LSAMP: variants seen among roughly 807,000 people sequenced by gnomAD.
LSAMP encodes the protein limbic system associated membrane protein, also known as limbic system-associated membrane protein.
LSAMP carries 7 observed loss-of-function variants against 38.6 expected under a neutral mutation model. The ratio of observed to expected loss-of-function variants is 0.18; its 90% CI spans 0.10 to 0.34. The LOEUF (loss-of-function observed/expected upper bound fraction) is 0.34, where lower values mean the gene tolerates loss of function less well. Among genes scored for constraint, LSAMP ranks in the 10% least tolerant of loss-of-function variants. The pLI is 1.00. For synonymous variants in LSAMP, 154 were observed against 166.8 expected (o/e 0.92, Z 0.59); for missense variants, 313 against 420.0 (o/e 0.75, Z 2.23).
intron 1 of LSAMP, among the ~76,000 whole-genome samples, chr3:116,255,316 G>A (rs1384162884): frequency 6.6e-6 from 1 of 152,194 alleles, no homozygotes; most frequent in Non-Finnish European, 1.5e-5. Context: ...GTTGGCCAGA[G>A]AGCTGCAAAA....
At chr3:116,293,345 A>G (rs894114928) in intron 1 of LSAMP, among the ~76,000 whole-genome samples, 1 of 152,188 alleles carries the variant, frequency 6.6e-6, no homozygotes, top group Non-Finnish European at 1.5e-5. Flanking sequence ...AAACTTTGCA[A>G]ATTATGAAGG....
At chr3:115,983,614 A>G (rs1939426513) in intron 3 of LSAMP, among the ~76,000 whole-genome samples, 1 of 152,212 alleles carries the variant, frequency 6.6e-6, no homozygotes, top group African/African-American at 2.4e-5. Flanking sequence ...ATTTCTGATA[A>G]TCACACATTG....
rs572269902 is a variant in LSAMP, at chr3:116,398,952, A to C, written c.155+45925T>G. Among the ~76,000 whole-genome samples, 67 of 152,298 alleles carry C rather than the reference A, an allele frequency of 4.4e-4. No homozygotes were observed. In the Middle Eastern group the frequency reaches 0.01, roughly 23 times the overall value. ...GGAAAGCTTTCCAGAGGGAAAGAAA[A>C]GTGAGATAAAGACTGAGGAAAAGTT... is the stretch of plus-strand genomic sequence containing the variant. On this transcript the variant is annotated intron_variant, in intron 1 of 6. Transcript: ENST00000490035.
At chr3:116,363,811 A>G (rs1360550806) in intron 1 of LSAMP, among the ~76,000 whole-genome samples, 4 of 149,516 alleles carry the variant, frequency 2.7e-5, no homozygotes, top group Admixed American at 2.0e-4. Context: ...AAATTCAACA[A>G]CCCTTCATGC....
intron 3 of LSAMP, among the ~76,000 whole-genome samples, chr3:116,001,286 A>G (rs2107659090): frequency 6.6e-6 from 1 of 152,356 alleles, no homozygotes; most frequent in Non-Finnish European, 1.5e-5. Flanking sequence ...GTCACCAGTA[A>G]TAAAATATGT....
chr3:116,166,670 G>GA (rs749431718), intron 1 of LSAMP, among the ~76,000 whole-genome samples: 8 of 150,486 alleles, frequency 5.3e-5, no homozygotes, highest in Non-Finnish European at 7.4e-5. Flanking sequence ...ATTGTATCCA[G>GA]AAAAAAATCT....
chr3:116,191,735 G>A (rs1256615265), intron 1 of LSAMP, among the ~76,000 whole-genome samples: 1 of 151,760 alleles, frequency 6.6e-6, no homozygotes, highest in Non-Finnish European at 1.5e-5. Flanking sequence ...CCTGCAATTA[G>A]CCAATGACTT....
intron 1 of LSAMP, among the ~76,000 whole-genome samples, chr3:116,312,357 A>C (rs1021280802): frequency 4.6e-5 from 7 of 152,102 alleles, no homozygotes; most frequent in African/African-American, 1.7e-4. Flanking sequence ...ACCTCTCTAG[A>C]GGCTATGGCA....
intron 1 of LSAMP, among the ~76,000 whole-genome samples, chr3:116,222,061 T>C (rs545714207): frequency 1.3e-5 from 2 of 152,246 alleles, no homozygotes; most frequent in African/African-American, 4.8e-5. Flanking sequence ...TATTGGTGGC[T>C]GCTTCTCTTT....
At chr3:116,179,346 C>T (rs1396088199) in intron 1 of LSAMP, among the ~76,000 whole-genome samples, 1 of 152,044 alleles carries the variant, frequency 6.6e-6, no homozygotes, top group Non-Finnish European at 1.5e-5. Context: ...CAAGCACTCC[C>T]CATTGGAGAA....
chr3:116,241,246 T>G (rs1271157761), intron 1 of LSAMP, among the ~76,000 whole-genome samples: 1 of 151,686 alleles, frequency 6.6e-6, no homozygotes. Context: ...CAAGGTTTCA[T>G]GTAGACCACC....
At position 116,173,443 on chromosome 3, in the gene LSAMP, ACT is replaced by A. The variant is rs149637862; in HGVS notation, c.156-86889_156-86888del. The stretch of plus-strand genomic sequence containing the variant: ...ATCCATTAGAAAAACACTAATAGTA[ACT>A]CTAGAATTTATAATCCAGTGGCAAA... On this transcript the variant is annotated intron_variant, in intron 1 of 6. Transcript: ENST00000490035. 4.1e-4 allele frequency among the ~76,000 whole-genome samples: 63 copies of A among 152,182 alleles called. No individual in the cohort carries two copies. In the East Asian group the frequency reaches 0.012, roughly 28 times the overall value.
chr3:116,358,121 T>G (rs1320371922), intron 1 of LSAMP, among the ~76,000 whole-genome samples: 1 of 152,104 alleles, frequency 6.6e-6, no homozygotes, highest in Non-Finnish European at 1.5e-5. Flanking sequence ...ACCGCCTTAA[T>G]CTAGATAGAG....
intron 4 of LSAMP, among the ~76,000 whole-genome samples, chr3:115,848,959 T>C (rs759165310): frequency 5.9e-5 from 9 of 152,224 alleles, no homozygotes; most frequent in African/African-American, 2.2e-4. Context: ...TAGATATTAT[T>C]CTAGGTGTAC....
intron 1 of LSAMP, among the ~76,000 whole-genome samples, chr3:116,170,299 A>AT (rs1462918362): frequency 1.3e-5 from 2 of 151,548 alleles, no homozygotes; most frequent in Non-Finnish European, 2.9e-5. Context: ...GGAAGCCAGT[A>AT]TTTTTTATTT....
Position 115,804,514 on chromosome 3 carries a change from AAGC to A in LSAMP, c.*5800_*5802del, listed in dbSNP as rs1276522913. On this transcript the variant is annotated 3_prime_UTR_variant, in exon 7 of 7. Coordinates refer to ENST00000490035, the MANE Select transcript of LSAMP (RefSeq NM_002338.5). ...TGTCAGTTTATCTTAGATGATGAGG[AAGC>A]AGTACCAAGAAGACACTTGGGGGTT... 2 of 152,134 alleles carry A rather than the reference AAGC, an allele frequency of 1.3e-5. No individual in the cohort carries two copies. Among genetic ancestry groups the A allele is most frequent in the Admixed American group, 1.3e-4 (2 of 15,276 alleles). The allele number at this position is 152,134 out of a possible 1,614,324, so 9.4% of individuals were successfully genotyped here.
intron 3 of LSAMP, among the ~76,000 whole-genome samples, chr3:115,975,299 C>A (rs576104611): frequency 1.3e-5 from 2 of 152,148 alleles, no homozygotes; most frequent in African/African-American, 4.8e-5. Flanking sequence ...AACAAAAAAA[C>A]AAAACATGAG....
intron 1 of LSAMP, among the ~76,000 whole-genome samples, chr3:116,108,809 A>G (rs1257027061): frequency 6.6e-6 from 1 of 152,134 alleles, no homozygotes; most frequent in Non-Finnish European, 1.5e-5. Context: ...TTCTGGAGGA[A>G]CGCCTGGCCG....
chr3:116,265,709 T>C (rs2046882413), intron 1 of LSAMP, among the ~76,000 whole-genome samples: 1 of 152,124 alleles, frequency 6.6e-6, no homozygotes, highest in Non-Finnish European at 1.5e-5. Context: ...AATCTAATTG[T>C]GGTTAATCTT....
Sources: allele counts gnomAD v4.1 joint callset (sites outside exome capture counted in the v4.1 genomes callset), GRCh38; gene constraint gnomAD v4.1.1; transcripts MANE v1.5; gene names NCBI Gene and HGNC (gene_info 2026-07-23, HGNC 2026-07-21).